The following ZNF362 variants were observed in gnomAD, a reference collection of about 807,000 sequenced individuals.
The protein encoded by ZNF362 is zinc finger protein 362, also known as rotund homolog.
ZNF362 carries 11 observed loss-of-function variants against 42.9 expected under a neutral mutation model. That is an observed-to-expected ratio of 0.26 (90% CI 0.16 to 0.42). ZNF362 has a LOEUF of 0.42. Ranked by LOEUF, ZNF362 falls within the 20% of genes least tolerant of loss-of-function variation. The pLI, the probability that ZNF362 is intolerant of heterozygous loss-of-function variation, is 1.00. For missense variants in ZNF362, 362 were observed against 576.2 expected, an observed-to-expected ratio of 0.63 and a Z score of 3.81; for synonymous variants, 255 against 257.3, an observed-to-expected ratio of 0.99 and a Z score of 0.09.
intron 1 of ZNF362, among the ~76,000 whole-genome samples, chr1:33,269,035 G>A (rs1181438032): frequency 6.6e-6 from 1 of 152,092 alleles, no homozygotes; most frequent in East Asian, 1.9e-4. Context: ...TCCCCACCCT[G>A]TAGGATCCTA....
chr1:33,279,646 CT>C (rs567406398), intron 4 of ZNF362, among the ~76,000 whole-genome samples: 37 of 147,324 alleles, frequency 2.5e-4, no homozygotes, highest in Admixed American at 4.7e-4. Flanking sequence ...AGTTAAGCCT[CT>C]TTTTTTTTTT....
chr1:33,274,363 T>C (rs944532070), intron 2 of ZNF362, among the ~76,000 whole-genome samples: 2 of 152,236 alleles, frequency 1.3e-5, no homozygotes, highest in Non-Finnish European at 2.9e-5. Context: ...TTCAGTGTCA[T>C]TGTGCCTGGC....
the ZNF362 span, among the ~76,000 whole-genome samples, chr1:33,137,275 C>T: frequency 2.1e-3 from 313 of 152,212 alleles, no homozygotes; most frequent in African/African-American, 7.3e-3. Flanking sequence ...AGCTCTGCCA[C>T]GTAAGCAGAA....
At chr1:33,226,576 T>C in the ZNF362 span, among the ~76,000 whole-genome samples, 1 of 152,186 alleles carries the variant, frequency 6.6e-6, no homozygotes, top group African/African-American at 2.4e-5. Context: ...AACGTTATGC[T>C]AAATGAGGCC....
the ZNF362 span, among the ~76,000 whole-genome samples, chr1:33,246,559 G>A: frequency 6.1e-3 from 923 of 152,286 alleles, 18 homozygotes; most frequent in East Asian, 0.083. Context: ...CAGTTCAGAG[G>A]GCTGAGGTCT....
chr1:33,256,258 C>T (rs1019505093), upstream of ZNF362, among the ~76,000 whole-genome samples: 1 of 142,664 alleles, frequency 7.0e-6, no homozygotes, highest in Non-Finnish European at 1.5e-5. Context: ...CCCGCCCCCG[C>T]CCCCCGCCCG....
chr1:33,177,510 T>C, the ZNF362 span, among the ~76,000 whole-genome samples: 1 of 152,160 alleles, frequency 6.6e-6, no homozygotes, highest in Non-Finnish European at 1.5e-5. The surrounding 1 kb of genome is among the most constrained non-coding windows in gnomAD (Gnocchi z 4.1). Flanking sequence ...GCAATTGTGC[T>C]TAGTAGGTCA....
the ZNF362 span, chr1:33,181,184 G>C: frequency 6.3e-7 from 1 of 1,594,966 alleles, no homozygotes; most frequent in Non-Finnish European, 8.5e-7. The surrounding 1 kb of genome is among the most constrained non-coding windows in gnomAD (Gnocchi z 6.5). Flanking sequence ...GCGCGTTGAG[G>C]ATGGCGTCCA....
chr1:33,289,495 G>C (rs1646060491), intron 6 of ZNF362, among the ~76,000 whole-genome samples: 1 of 152,168 alleles, frequency 6.6e-6, no homozygotes, highest in African/African-American at 2.4e-5. Context: ...TGTTGCACGT[G>C]CATGGGAGGA....
chr1:33,183,796 C>T, the ZNF362 span, among the ~76,000 whole-genome samples: 1 of 152,152 alleles, frequency 6.6e-6, no homozygotes, highest in Non-Finnish European at 1.5e-5. Context: ...GAGGATGCAG[C>T]AAATACAGAA....
chr1:33,287,825 T>C (rs538667848), intron 6 of ZNF362, among the ~76,000 whole-genome samples: 9 of 152,352 alleles, frequency 5.9e-5, no homozygotes, highest in Admixed American at 2.6e-4. Flanking sequence ...ATAAAATCCC[T>C]GTACAGTGTG....
chr1:33,135,425 A>G, the ZNF362 span, among the ~76,000 whole-genome samples: 285 of 152,312 alleles, frequency 1.9e-3, 1 homozygote, highest in Middle Eastern at 6.8e-3. Flanking sequence ...CCACCCCAGT[A>G]AGAGACCACC....
chr1:33,142,444 G>GT, the ZNF362 span: 1 of 152,248 alleles, frequency 6.6e-6, no homozygotes, highest in Non-Finnish European at 1.5e-5. Context: ...GCAAGCCGTG[G>GT]GACCTAACGT....
intron 4 of ZNF362, 117 bp downstream of exon 4, chr1:33,276,711 C>T: frequency 1.6e-6 from 2 of 1,218,718 alleles, no homozygotes. Flanking sequence ...CGGGCAGGGC[C>T]TAGGGGTAGG....
chr1:33,150,924 G>A, the ZNF362 span, among the ~76,000 whole-genome samples: 6 of 152,294 alleles, frequency 3.9e-5, no homozygotes, highest in East Asian at 1.2e-3. Flanking sequence ...TCAGAGTGCT[G>A]GGGGAACCTA....
At chr1:33,181,239 C>A in the ZNF362 span, 1 of 1,559,060 alleles carries the variant, frequency 6.4e-7, no homozygotes, top group Non-Finnish European at 8.6e-7. The surrounding 1 kb of genome is among the most constrained non-coding windows in gnomAD (Gnocchi z 6.5). Context: ...CAGCTTGAGG[C>A]TGGGCGCCAG....
the ZNF362 span, among the ~76,000 whole-genome samples, chr1:33,230,276 T>C: frequency 2.0e-5 from 3 of 152,330 alleles, no homozygotes; most frequent in African/African-American, 7.2e-5. Flanking sequence ...AAGTTCTCAA[T>C]GAGTATTAGA....
chr1:33,256,862 G>A (rs1458638133), intron 1 of ZNF362, among the ~76,000 whole-genome samples: 1 of 149,150 alleles, frequency 6.7e-6, no homozygotes, highest in Non-Finnish European at 1.5e-5. Context: ...GGCGCGCGGG[G>A]TAGGAAGTGT....
intron 1 of ZNF362, among the ~76,000 whole-genome samples, chr1:33,269,687 C>T (rs1241000564): frequency 6.6e-6 from 1 of 152,214 alleles, no homozygotes; most frequent in Non-Finnish European, 1.5e-5. Context: ...CAGGCATGAA[C>T]CATGCCCAGC....
Sources: allele counts gnomAD v4.1 joint callset (sites outside exome capture counted in the v4.1 genomes callset), GRCh38; gene constraint gnomAD v4.1.1; non-coding constraint Gnocchi (gnomAD v3.1); transcripts MANE v1.5; gene names NCBI Gene and HGNC (gene_info 2026-07-23, HGNC 2026-07-21).